IRX6: variants seen among roughly 807,000 people sequenced by gnomAD.
IRX6 encodes iroquois-class homeodomain protein IRX-6.
In IRX6, 46 loss-of-function variants were observed where a neutral mutation model predicts 47.7. The observed-to-expected ratio is 0.96, with a 90% CI of 0.76 to 1.23. The LOEUF is 1.23. IRX6 is among the 50% of genes most tolerant of loss of function. IRX6 has a pLI of 0.00. For synonymous variants in IRX6, 265 were observed against 246.2 expected, an observed-to-expected ratio of 1.08 and a Z score of -0.72; for missense variants, 722 against 588.0, an observed-to-expected ratio of 1.23 and a Z score of -2.36.
Position 55,326,593 on chromosome 16 carries a change from GGTGAGTACAGGGGT to G in IRX6, c.303+2_303+15del, listed in dbSNP as rs1362162455. On this transcript the variant is annotated splice_donor_variant and splice_donor_5th_base_variant and intron_variant, in intron 2 of 5. Transcript: ENST00000290552. LOFTEE classifies it high-confidence loss of function. ...AGCCCCCCTCACTGTATGGGGCACT[GGTGAGTACAGGGGT>G]GGAGTCCCAGGGGAGTGAGCAGTAG... is the stretch of plus-strand genomic sequence containing the variant. 1 of 1,539,844 alleles carries G rather than the reference GGTGAGTACAGGGGT, an allele frequency of 6.5e-7. No individual in the cohort carries two copies. The highest frequency in any genetic ancestry group is 8.8e-7 in the Non-Finnish European group (1 of 1,138,414).
rs1452039343 is a variant in IRX6, at chr16:55,327,117, C to T, written c.304-179C>T. Among the ~76,000 whole-genome samples the T allele has an allele frequency of 2.0e-5, 3 of 152,134 alleles. No homozygotes were observed. The East Asian group carries it at 5.8e-4, about 29-fold the overall frequency. ...AATAACCTATAAGTACTATTATCCC[C>T]ATTTTACCAAGGAAGAAATTGAGGC... On this transcript the variant is annotated intron_variant, in intron 2 of 5. Coordinates refer to ENST00000290552, the MANE Select transcript of IRX6 (RefSeq NM_024335.3).
intron 5 of IRX6, 55 bp downstream of exon 5, chr16:55,329,366 G>A (rs574128020): frequency 6.5e-6 from 10 of 1,527,544 alleles, no homozygotes; most frequent in South Asian, 1.2e-5. Context: ...CCCACCTACC[G>A]CCCCGCCCGG....
chr16:55,330,225 T>A (rs1253598671), intron 5 of IRX6, 73 bp from the exon 6 acceptor site: 1 of 1,409,938 alleles, frequency 7.1e-7, no homozygotes, highest in Non-Finnish European at 1.0e-6. Flanking sequence ...AGAAGAGACA[T>A]GGCTGACCCA....
In IRX6 at chr16:55,324,979, G is replaced by A; in HGVS notation, c.-113G>A. 3 of 1,150,554 alleles carry A rather than the reference G, an allele frequency of 2.6e-6. No individual in the cohort carries two copies. The highest frequency in any genetic ancestry group is 2.4e-5 in the East Asian group (1 of 41,514). The allele number at this position is 1,150,554 out of a possible 1,614,324, so 71.3% of individuals were successfully genotyped here. On this transcript the variant is annotated 5_prime_UTR_variant, in exon 1 of 6. The change creates a premature stop within an existing upstream ORF in the 5' untranslated region. Transcript: ENST00000290552. This position sits in a 1 kb window ranked among gnomAD's most constrained non-coding sequence, Gnocchi z 4.4. ...CCAACCAGGCGAAGGAACCGGCGCTGGGCATCCGCAGCGGTGTAAGGAACT... is the reference window on the plus strand; with the variant it reads ...CCAACCAGGCGAAGGAACCGGCGCTAGGCATCCGCAGCGGTGTAAGGAACT...
intron 5 of IRX6, among the ~76,000 whole-genome samples, chr16:55,329,943 G>A (rs1360976743): frequency 6.6e-6 from 1 of 152,190 alleles, no homozygotes; most frequent in Non-Finnish European, 1.5e-5. Flanking sequence ...CCCCAGGCAG[G>A]CCAGTGACTG....
At position 55,326,248 on chromosome 16, in the gene IRX6, C is replaced by A. The variant is rs1386766746; in HGVS notation, c.46-88C>A. ...CAATCTGATTATCTGATTTTCTCTT[C>A]TTTGTTTCTAGCTCCCTTCAGCGGG... On this transcript the variant is annotated intron_variant, in intron 1 of 5. Coordinates refer to ENST00000290552, the MANE Select transcript of IRX6 (RefSeq NM_024335.3). The A allele has an allele frequency of 3.5e-6, 4 of 1,144,454 alleles. No homozygotes were observed. In the African/African-American group the frequency reaches 5.6e-5, roughly 16 times the overall value. 70.9% of individuals were successfully genotyped at this position (1,144,454 alleles called of 1,614,324 possible).
intron 4 of IRX6, 94 bp from the exon 5 acceptor site, chr16:55,328,606 G>A: frequency 4.6e-6 from 6 of 1,300,928 alleles, no homozygotes; most frequent in Non-Finnish European, 6.4e-6. Flanking sequence ...CCTGAGTGCA[G>A]GGCGCTTCTT....
chr16:55,327,997 A>C (rs928831208), intron 4 of IRX6, 104 bp downstream of exon 4: 3 of 1,138,170 alleles, frequency 2.6e-6, no homozygotes, highest in Non-Finnish European at 3.7e-6. Context: ...GAAGGTCCTC[A>C]GACTTACCCT....
Position 55,325,090 on chromosome 16 carries a change from C to T in IRX6, c.-2C>T, listed in dbSNP as rs755127224. 1 of 1,614,020 alleles carries T rather than the reference C, an allele frequency of 6.2e-7. No individual in the cohort carries two copies. The highest frequency in any genetic ancestry group is 8.5e-7 in the Non-Finnish European group (1 of 1,179,994). ...GAGAGAGACGGGCCAGGGACAGCCA[C>T]CATGTCCTTCCCACACTTTGGACAC... is the stretch of plus-strand genomic sequence containing the variant. On this transcript the variant is annotated 5_prime_UTR_variant, in exon 1 of 6. Transcript: ENST00000290552.
intron 1 of IRX6, among the ~76,000 whole-genome samples, chr16:55,325,526 G>A (rs762516273): frequency 0.52 from 8,293 of 15,916 alleles, 3,345 homozygotes; most frequent in East Asian, 0.86. Context: ...AAGGAAGGAA[G>A]GAAGGAGAGA....
At chr16:55,325,503 G>A (rs1960496005) in intron 1 of IRX6, among the ~76,000 whole-genome samples, 3 of 19,968 alleles carry the variant, frequency 1.5e-4, no homozygotes, top group Admixed American at 4.8e-4. Context: ...AGGAAGGAAG[G>A]AAGGAAGGAA....
At chr16:55,330,047 A>G (rs974502027) in intron 5 of IRX6, among the ~76,000 whole-genome samples, 7 of 152,244 alleles carry the variant, frequency 4.6e-5, no homozygotes, top group Admixed American at 3.3e-4. Flanking sequence ...TTCCCCAAGC[A>G]TGAGGCAGCC....
At position 55,330,362 on chromosome 16, in the gene IRX6, A is replaced by C. The variant is rs1960620811; in HGVS notation, c.*57A>C. ...GAAATGGGCCCCACGTTTCGAATTC[A>C]TCTCCAGGTTAAGAAGCTGCCAGAC... On this transcript the variant is annotated 3_prime_UTR_variant, in exon 6 of 6. Transcript: ENST00000290552. 1 of 1,581,394 alleles carries C rather than the reference A, an allele frequency of 6.3e-7. No homozygotes were observed. The highest frequency in any genetic ancestry group is 1.7e-5 in the Admixed American group (1 of 59,970).
rs1447010800 is a variant in IRX6, at chr16:55,329,129, A to C, written c.1151A>C (p.Gln384Pro). Residue 384 changes from glutamine to proline, a missense_variant, in exon 5 of 6, where the codon CAG becomes CCG. Gln to Pro is a moderately conservative substitution (Grantham distance 76). Transcript: ENST00000290552. ...RSPECRMIPG[Q>P]PPASARRLSV... ...CCTGAGTGCCGTATGATTCCTGGAC[A>C]GCCTCCTGCCTCTGCCCGGCGACTC... The C allele has an allele frequency of 2.5e-6, 4 of 1,614,066 alleles. No homozygotes were observed. In the East Asian group the frequency reaches 8.9e-5, roughly 36 times the overall value.
In IRX6 at chr16:55,328,996, ACCATGCACTAC is replaced by A. The variant is rs752172408; in HGVS notation, c.1025_1035del (p.His342LeufsTer19). The A allele has an allele frequency of 1.3e-5, 21 of 1,613,580 alleles. No homozygotes were observed. Among genetic ancestry groups the A allele is most frequent in the Non-Finnish European group, 1.8e-5 (21 of 1,180,004 alleles). On this transcript the variant is annotated frameshift_variant, in exon 5 of 6. Transcript: ENST00000290552. LOFTEE classifies it high-confidence loss of function. The stretch of plus-strand genomic sequence containing the variant: ...GGCGGAGACAGGCAGCCCTAGGTTG[ACCATGCACTAC>A]CCATGCTTGGAGAAACCGCGCATCT...
intron 1 of IRX6, 80 bp downstream of exon 1, chr16:55,325,216 C>A: frequency 7.4e-7 from 1 of 1,349,244 alleles, no homozygotes; most frequent in Non-Finnish European, 1.1e-6. Context: ...CTCTGATCAT[C>A]CTCCTCTTGT....
intron 2 of IRX6, chr16:55,326,959 C>CGGGGGGGGGGGGGGGGGGGGGGGGGGGGG (rs1555484071): frequency 3.2e-5 from 1 of 31,378 alleles, no homozygotes; most frequent in Non-Finnish European, 6.1e-5. Flanking sequence ...GGGCAGGGGG[C>CGGGGGGGGGGGGGGGGGGGGGGGGGGGGG]GGGGGGTGGG....
At chr16:55,325,443 C>T (rs1050185577) in intron 1 of IRX6, among the ~76,000 whole-genome samples, 3 of 140,744 alleles carry the variant, frequency 2.1e-5, no homozygotes, top group East Asian at 2.1e-4. Context: ...CTGAGGTGGC[C>T]GGGAGAGAAA....
rs1286628578 is a variant in IRX6, at chr16:55,325,115, C to T, written c.24C>T (p.His8=). 2 of 1,613,922 alleles carry T rather than the reference C, an allele frequency of 1.2e-6. No individual in the cohort carries two copies. The highest frequency in any genetic ancestry group is 2.7e-5 in the African/African-American group (2 of 74,924). MSFPHFG[H]PYRGASQFLA... is the part of the protein sequence containing the mutation. Reference sequence around the variant, plus strand: ...CCATGTCCTTCCCACACTTTGGACACCCGTACCGCGGCGCTTCCCAGGTAA... The same window carrying T: ...CCATGTCCTTCCCACACTTTGGACATCCGTACCGCGGCGCTTCCCAGGTAA... The change falls in exon 1 of 6, where the codon CAC becomes CAT. Residue 8 remains histidine (H), a synonymous_variant. Transcript: ENST00000290552.
Sources: allele counts gnomAD v4.1 joint callset (sites outside exome capture counted in the v4.1 genomes callset), GRCh38; gene constraint gnomAD v4.1.1; non-coding constraint Gnocchi (gnomAD v3.1); transcripts MANE v1.5; gene names NCBI Gene and HGNC (gene_info 2026-07-23, HGNC 2026-07-21).